DEPDC5: variants seen among roughly 807,000 people sequenced by gnomAD.
DEPDC5 encodes DEP domain containing 5, GATOR1 subcomplex subunit, also known as GATOR1 complex protein DEPDC5.
Under a neutral mutation model 217.3 loss-of-function variants are expected in DEPDC5, and 73 were observed. The observed-to-expected ratio is 0.34, with a 90% CI of 0.28 to 0.41. The LOEUF (loss-of-function observed/expected upper bound fraction) is 0.41, where lower values mean the gene tolerates loss of function less well. Among genes scored for constraint, DEPDC5 ranks in the 10% least tolerant of loss-of-function variants. DEPDC5 has a pLI of 1.00. For missense variants in DEPDC5, 1,675 were observed against 2,070.1 expected (o/e 0.81, Z 3.70); for synonymous variants, 733 against 756.7 (o/e 0.97, Z 0.51).
intron 10 of DEPDC5, among the ~76,000 whole-genome samples, chr22:31,788,257 T>G (rs974801587): frequency 2.0e-5 from 3 of 147,740 alleles, no homozygotes; most frequent in Non-Finnish European, 4.5e-5. Context: ...CCCACTAGGA[T>G]GACTGTATTT....
At chr22:31,870,773 T>C in intron 34 of DEPDC5, 29 bp downstream of exon 34, 1 of 1,507,988 alleles carries the variant, frequency 6.6e-7, no homozygotes, top group South Asian at 1.4e-5. Flanking sequence ...AAACTCATGT[T>C]CCTGGGGAGT....
chr22:31,830,643 G>A (rs993776901), intron 24 of DEPDC5, among the ~76,000 whole-genome samples: 44 of 147,616 alleles, frequency 3.0e-4, no homozygotes, highest in African/African-American at 1.1e-3. Context: ...GTGTGTGTGT[G>A]TGTGTGTGTG....
At position 31,906,230 on chromosome 22, in the gene DEPDC5, C is replaced by T; in HGVS notation, c.4545C>T (p.Tyr1515=). ...VTGTVFLQLP[Y]SKRKFSGQQR... is the part of the protein sequence containing the mutation. ...GAACAGTGTTTCTGCAGCTGCCCTACTCCAAGCGCAAGTTCTCAGGGCAGC... is the reference window on the plus strand; with the variant it reads ...GAACAGTGTTTCTGCAGCTGCCCTATTCCAAGCGCAAGTTCTCAGGGCAGC... The change falls in exon 43 of 43, where the codon TAC becomes TAT. Residue 1515 remains tyrosine, a synonymous_variant. Transcript: ENST00000651528. The surrounding 1 kb of genome is among the most constrained non-coding windows in gnomAD (Gnocchi z 5.1). The T allele has an allele frequency of 1.2e-6, 2 of 1,613,984 alleles. No individual in the cohort carries two copies. The highest frequency in any genetic ancestry group is 1.3e-5 in the African/African-American group (1 of 75,058).
chr22:31,845,748 CGTGTGT>C (rs369816632), intron 30 of DEPDC5, among the ~76,000 whole-genome samples: 8 of 149,474 alleles, frequency 5.4e-5, no homozygotes, highest in South Asian at 2.1e-4. Flanking sequence ...GTATAATTGA[CGTGTGT>C]GTGTGTGTGT....
At chr22:31,791,909 G>A in intron 10 of DEPDC5, 124 bp from the exon 11 acceptor site, 1 of 431,084 alleles carries the variant, frequency 2.3e-6, no homozygotes. Flanking sequence ...CCTGGTGGCA[G>A]AGTAAGACTC....
chr22:31,882,329 G>T (rs2093199068), intron 38 of DEPDC5, among the ~76,000 whole-genome samples: 1 of 152,142 alleles, frequency 6.6e-6, no homozygotes, highest in Non-Finnish European at 1.5e-5. Flanking sequence ...AGAGAGAGCT[G>T]AAAAGTCAAC....
chr22:31,798,809 A>C (rs1264917728), intron 14 of DEPDC5, among the ~76,000 whole-genome samples, 153 bp downstream of exon 14: 1 of 152,220 alleles, frequency 6.6e-6, no homozygotes, highest in Admixed American at 6.6e-5. Context: ...GAAAGCAAGT[A>C]TATTAAGAAA....
In DEPDC5 at chr22:31,845,048, C is replaced by A. The variant is rs771577027; in HGVS notation, c.2832C>A (p.Thr944=). ...SLIESLKFWR[T]RFLLLPACVT... ...TTGAGTCCCTGAAGTTCTGGAGGAC[C>A]CGCTTCCTGCTGCTGCCAGCCTGTG... The change falls in exon 30 of 43, where the codon ACC becomes ACA. Residue 944 remains threonine, a synonymous_variant. Coordinates refer to ENST00000651528, the MANE Select transcript of DEPDC5 (RefSeq NM_001242896.3). 4.3e-6 allele frequency: 7 copies of A among 1,614,014 alleles called. No individual in the cohort carries two copies. In the South Asian group the frequency reaches 7.7e-5, roughly 18 times the overall value.
intron 12 of DEPDC5, among the ~76,000 whole-genome samples, chr22:31,796,644 AAGTAGAAG>A (rs2086271961): frequency 6.6e-6 from 1 of 152,078 alleles, no homozygotes; most frequent in African/African-American, 2.4e-5. Context: ...AAAACCATTA[AAGTAGAAG>A]ATCTTGTTTT....
At chr22:31,766,868 A>G (rs2082862721) in intron 6 of DEPDC5, among the ~76,000 whole-genome samples, 200 bp downstream of exon 6, 1 of 152,096 alleles carries the variant, frequency 6.6e-6, no homozygotes, top group Non-Finnish European at 1.5e-5. Context: ...ATTTTTACTC[A>G]GCATTTTTGG....
intron 32 of DEPDC5, 112 bp from the exon 33 acceptor site, chr22:31,861,255 AT>A: frequency 1.6e-6 from 1 of 615,182 alleles, no homozygotes; most frequent in Non-Finnish European, 2.4e-6. Flanking sequence ...TTTTATTTTT[AT>A]TTTTTGTTTT....
rs370318709 is a variant in DEPDC5 at position 31,838,707 on chromosome 22, A to T, written c.2377A>T (p.Met793Leu). The T allele has an allele frequency of 6.2e-7, 1 of 1,614,172 alleles. No homozygotes were observed. The highest frequency in any genetic ancestry group is 1.3e-5 in the African/African-American group (1 of 75,056). ...IDRRDEDGVQ[M>L]TAQQVFEEFI... ...CAGGAGGGACGAAGATGGTGTGCAG[A>T]TGACAGCCCAGCAGGTATTTGAAGA... The change falls in exon 27 of 43, where the codon ATG becomes TTG. Residue 793 changes from methionine to leucine, a missense_variant. By Grantham distance (15) the Met-to-Leu change is conservative. Transcript: ENST00000651528.
At chr22:31,863,326 C>T (rs1195370886) in intron 33 of DEPDC5, among the ~76,000 whole-genome samples, 1 of 152,126 alleles carries the variant, frequency 6.6e-6, no homozygotes, top group African/African-American at 2.4e-5. Flanking sequence ...ACCACAACGC[C>T]CGGCTAACTT....
At chr22:31,896,701 ACT>A (rs1406897228) in intron 39 of DEPDC5, among the ~76,000 whole-genome samples, 4 of 152,124 alleles carry the variant, frequency 2.6e-5, no homozygotes, top group African/African-American at 9.6e-5. Flanking sequence ...AGTGGCTCTC[ACT>A]CTGTCAGGTC....
chr22:31,814,201 C>T (rs1425689362), intron 20 of DEPDC5: 1 of 152,082 alleles, frequency 6.6e-6, no homozygotes, highest in Non-Finnish European at 1.5e-5. Context: ...CATACTTCAG[C>T]GTAAGTTTCT....
At chr22:31,794,483 A>G (rs2086020778) in intron 12 of DEPDC5, among the ~76,000 whole-genome samples, 1 of 152,208 alleles carries the variant, frequency 6.6e-6, no homozygotes, top group Non-Finnish European at 1.5e-5. Flanking sequence ...TATATTTTTA[A>G]TATATGAAAG....
In DEPDC5 at chr22:31,815,510, A is replaced by G. The variant is rs1602103786; in HGVS notation, c.1666+298A>G. 3 of 648,244 alleles carry G rather than the reference A, an allele frequency of 4.6e-6. No homozygotes were observed. The Admixed American group carries it at 8.2e-5, about 18-fold the overall frequency. The allele number at this position is 648,244 out of a possible 1,614,324, so 40.2% of individuals were successfully genotyped here. A position where few individuals can be genotyped will look rare whatever the true frequency, so the allele number is the denominator to read the frequency against. ...ATCGATCCTCCCACCTCTGCCTCCC[A>G]AGTAACTGGGACTATAGCATGCCAC... On this transcript the variant is annotated intron_variant, in intron 21 of 42. Coordinates refer to ENST00000651528, the MANE Select transcript of DEPDC5 (RefSeq NM_001242896.3).
chr22:31,836,418 C>G (rs1732809140), intron 25 of DEPDC5, among the ~76,000 whole-genome samples: 1 of 152,274 alleles, frequency 6.6e-6, no homozygotes, highest in Non-Finnish European at 1.5e-5. Context: ...AACTCTGTCT[C>G]TTAAAGTTCC....
At chr22:31,804,775 A>G in intron 16 of DEPDC5, 67 bp from the exon 17 acceptor site, 1 of 1,501,594 alleles carries the variant, frequency 6.7e-7, no homozygotes, top group Non-Finnish European at 9.1e-7. Context: ...AAAAACAGAA[A>G]AGTTAGAGCA....
Sources: gnomAD v4.1 joint callset for allele counts (sites outside exome capture counted in the v4.1 genomes callset) on GRCh38, gnomAD v4.1.1 for gene constraint, Gnocchi (gnomAD v3.1) non-coding constraint, MANE v1.5 for transcripts, NCBI Gene and HGNC (gene_info 2026-07-23, HGNC 2026-07-21) for gene names.